Variants in TACR1 observed in about 807,000 individuals in gnomAD.
TACR1 encodes the protein tachykinin receptor 1, also known as substance-P receptor.
A neutral mutation model predicts 35.8 loss-of-function variants in TACR1; 25 were observed. The ratio of observed to expected loss-of-function variants is 0.70; its 90% CI spans 0.51 to 0.98. The LOEUF is 0.98. Ranked by LOEUF, TACR1 falls within the 50% of genes least tolerant of loss-of-function variation. The pLI, the probability that TACR1 is intolerant of heterozygous loss-of-function variation, is 0.00. For missense variants in TACR1, 478 were observed against 522.9 expected, an observed-to-expected ratio of 0.91 and a Z score of 0.84; for synonymous variants, 195 against 206.7, an observed-to-expected ratio of 0.94 and a Z score of 0.48.
In TACR1 at chr2:75,049,254, A is replaced by T. The variant is rs374945111; in HGVS notation, c.*178T>A. On this transcript the variant is annotated 3_prime_UTR_variant, in exon 5 of 5. Coordinates refer to ENST00000305249, the MANE Select transcript of TACR1 (RefSeq NM_001058.4). ...CACACAGCATGAGGGTGGCAAAGAT[A>T]GGGAAGAATTGAGATTTTTTGACTC... 2 of 670,528 alleles carry T rather than the reference A, an allele frequency of 3.0e-6. No homozygotes were observed. 41.5% of individuals were successfully genotyped at this position (670,528 alleles called of 1,614,324 possible).
chr2:75,099,871 C>T (rs887424654), intron 2 of TACR1, among the ~76,000 whole-genome samples: 1 of 152,168 alleles, frequency 6.6e-6, no homozygotes, highest in South Asian at 2.1e-4. Context: ...TTATGACTCA[C>T]GTTTTTATAT....
chr2:75,170,811 A>G (rs1266674793), intron 1 of TACR1, among the ~76,000 whole-genome samples: 1 of 152,194 alleles, frequency 6.6e-6, no homozygotes, highest in Non-Finnish European at 1.5e-5. Context: ...GAGATGATTT[A>G]GGGCATCTGG....
intron 1 of TACR1, among the ~76,000 whole-genome samples, chr2:75,128,654 AT>A (rs1572946213): frequency 6.6e-6 from 1 of 151,862 alleles, no homozygotes; most frequent in Non-Finnish European, 1.5e-5. Context: ...CAGAGCGCGC[AT>A]TTTTTTCTCC....
chr2:75,121,272 AT>A (rs1673966485), intron 1 of TACR1, among the ~76,000 whole-genome samples: 1 of 152,208 alleles, frequency 6.6e-6, no homozygotes, highest in South Asian at 2.1e-4. Flanking sequence ...GTGACAAAGC[AT>A]TGGCCTAAAG....
At chr2:75,106,260 T>G (rs1558554935) in intron 2 of TACR1, among the ~76,000 whole-genome samples, 1 of 152,028 alleles carries the variant, frequency 6.6e-6, no homozygotes, top group Non-Finnish European at 1.5e-5. Context: ...AAAAAATTAT[T>G]AAAGAGAGGG....
rs1672410863 is a variant in TACR1, at chr2:75,048,852, G to A, written c.*580C>T. ...AGCCCGAGGTTCTCAATCTCATGATGTATAAATGTACTGAAATACTGAGAT... is the reference window on the plus strand; with the variant it reads ...AGCCCGAGGTTCTCAATCTCATGATATATAAATGTACTGAAATACTGAGAT... On this transcript the variant is annotated 3_prime_UTR_variant, in exon 5 of 5. Coordinates refer to ENST00000305249, the MANE Select transcript of TACR1 (RefSeq NM_001058.4). 2 of 152,852 alleles carry A rather than the reference G, an allele frequency of 1.3e-5. No homozygotes were observed. The highest frequency in any genetic ancestry group is 4.1e-4 in the South Asian group (2 of 4,836). The allele number at this position is 152,852 out of a possible 1,614,324, so 9.5% of individuals were successfully genotyped here.
At chr2:75,056,669 T>C (rs913171221) in intron 2 of TACR1, among the ~76,000 whole-genome samples, 23 of 152,220 alleles carry the variant, frequency 1.5e-4, no homozygotes, top group African/African-American at 5.5e-4. Flanking sequence ...TCTTTCCCTT[T>C]GTGAAATCAC....
chr2:75,124,267 C>T (rs1368403518), intron 1 of TACR1, among the ~76,000 whole-genome samples: 1 of 152,184 alleles, frequency 6.6e-6, no homozygotes, highest in Non-Finnish European at 1.5e-5. Flanking sequence ...TTCTTGTAGG[C>T]AGAGTGAAAA....
chr2:75,196,603 G>A (rs1675982540), intron 1 of TACR1, among the ~76,000 whole-genome samples: 1 of 152,090 alleles, frequency 6.6e-6, no homozygotes, highest in South Asian at 2.1e-4. Flanking sequence ...AAACAACAAC[G>A]GAGCTGAAAT....
intron 2 of TACR1, among the ~76,000 whole-genome samples, chr2:75,094,765 C>T (rs922718634): frequency 2.7e-5 from 4 of 148,750 alleles, no homozygotes; most frequent in East Asian, 4.0e-4. Context: ...TTGCATTCAG[C>T]GTTCAAGGAT....
chr2:75,050,972 C>A (rs1672452175), intron 4 of TACR1: 1 of 453,916 alleles, frequency 2.2e-6, no homozygotes. Flanking sequence ...TTAATTCCCC[C>A]ACTAGCTGCC....
At chr2:75,154,400 GAGCGCGC>G (rs1674755202) in intron 1 of TACR1, 1 of 79,654 alleles carries the variant, frequency 1.3e-5, no homozygotes, top group Non-Finnish European at 2.5e-5. Context: ...AATCAGCCAA[GAGCGCGC>G]ACGCACACAC....
At chr2:75,094,852 TATATATA>T (rs993429537) in intron 2 of TACR1, among the ~76,000 whole-genome samples, 3 of 90,114 alleles carry the variant, frequency 3.3e-5, no homozygotes, top group African/African-American at 1.1e-4. Context: ...TATATATATA[TATATATA>T]TTTTTTTTTT....
At chr2:75,196,558 G>C (rs1675979998) in intron 1 of TACR1, among the ~76,000 whole-genome samples, 1 of 152,152 alleles carries the variant, frequency 6.6e-6, no homozygotes, top group Non-Finnish European at 1.5e-5. Context: ...AGGTATCACA[G>C]AGGGTCGGGG....
At chr2:75,105,150 A>G (rs1376618677) in intron 2 of TACR1, among the ~76,000 whole-genome samples, 2 of 152,128 alleles carry the variant, frequency 1.3e-5, no homozygotes, top group Non-Finnish European at 1.5e-5. Context: ...TCCTCAATGG[A>G]TTAATAGATA....
At chr2:75,141,056 C>T (rs977872709) in intron 1 of TACR1, among the ~76,000 whole-genome samples, 1 of 152,118 alleles carries the variant, frequency 6.6e-6, no homozygotes, top group African/African-American at 2.4e-5. Flanking sequence ...GCTGGTGAGT[C>T]TCTTAAGAAC....
intron 2 of TACR1, among the ~76,000 whole-genome samples, chr2:75,094,526 A>G (rs1230420190): frequency 6.6e-6 from 1 of 151,850 alleles, no homozygotes; most frequent in Non-Finnish European, 1.5e-5. Context: ...TGATTCTCAA[A>G]CCCTTCTGTA....
intron 2 of TACR1, among the ~76,000 whole-genome samples, chr2:75,087,260 T>C (rs1043311162): frequency 6.6e-6 from 1 of 152,272 alleles, no homozygotes; most frequent in Non-Finnish European, 1.5e-5. Flanking sequence ...ACTTGCATCT[T>C]GCATTTGTAG....
intron 1 of TACR1, among the ~76,000 whole-genome samples, chr2:75,129,644 A>T (rs998660998): frequency 2.0e-5 from 3 of 152,164 alleles, no homozygotes; most frequent in African/African-American, 7.2e-5. Flanking sequence ...CAAATAAACA[A>T]TTTTTTGAAA....
Sources: gnomAD v4.1 joint callset for allele counts (sites outside exome capture counted in the v4.1 genomes callset) on GRCh38, gnomAD v4.1.1 for gene constraint, MANE v1.5 for transcripts, NCBI Gene and HGNC (gene_info 2026-07-23, HGNC 2026-07-21) for gene names.